Variants in ACO1 observed in about 807,000 individuals in gnomAD.
ACO1 encodes aconitase 1.
Under a neutral mutation model 105.1 loss-of-function variants are expected in ACO1, and 78 were observed. The ratio of observed to expected loss-of-function variants is 0.74; its 90% CI spans 0.62 to 0.90. ACO1 has a LOEUF of 0.90. Among genes scored for constraint, ACO1 ranks in the 40% least tolerant of loss-of-function variants. The pLI is 0.00. For missense variants in ACO1, 965 were observed against 1,111.1 expected (o/e 0.87, Z 1.87); for synonymous variants, 364 against 397.4 (o/e 0.92, Z 1.00).
At chr9:32,424,753 G>A in intron 10 of ACO1, 88 bp downstream of exon 10, 1 of 853,112 alleles carries the variant, frequency 1.2e-6, no homozygotes, top group Non-Finnish European at 1.9e-6. Context: ...CACTTGACAT[G>A]AATCTTCCTG....
chr9:32,450,119 G>T lies in ACO1; in HGVS notation c.*8G>T. On this transcript the variant is annotated 3_prime_UTR_variant, in exon 21 of 21. Coordinates refer to ENST00000309951, the MANE Select transcript of ACO1 (RefSeq NM_002197.3). ...CGCAAGATGGCCAAGTAGGAGACGT[G>T]CACTTGGTGCTGCGCCCAGGGAGGA... 6.2e-7 allele frequency: 1 copy of T among 1,604,572 alleles called. No homozygotes were observed. The highest frequency in any genetic ancestry group is 1.3e-5 in the African/African-American group (1 of 74,768).
intron 1 of ACO1, among the ~76,000 whole-genome samples, chr9:32,388,728 A>G (rs1250980999): frequency 6.6e-6 from 1 of 152,234 alleles, no homozygotes; most frequent in East Asian, 1.9e-4. Flanking sequence ...GGGCAGTGGA[A>G]TGAGGTAGAA....
At chr9:32,413,645 C>G (rs956192669) in intron 4 of ACO1, among the ~76,000 whole-genome samples, 18 of 152,208 alleles carry the variant, frequency 1.2e-4, no homozygotes, top group African/African-American at 4.3e-4. Context: ...GTGCTGTGGG[C>G]TAATTTCCAG....
intron 19 of ACO1, among the ~76,000 whole-genome samples, chr9:32,443,986 A>G (rs1247343964): frequency 1.3e-5 from 2 of 152,130 alleles, no homozygotes; most frequent in Admixed American, 1.3e-4. Flanking sequence ...TGACCCGCCA[A>G]CAGGCCCCAG....
At chr9:32,437,909 C>T (rs1162795716) in intron 18 of ACO1, among the ~76,000 whole-genome samples, 1 of 151,874 alleles carries the variant, frequency 6.6e-6, no homozygotes, top group Non-Finnish European at 1.5e-5. Context: ...ACTCAGGAGG[C>T]CCTAACAACC....
chr9:32,435,212 C>T (rs1822329710), intron 17 of ACO1, among the ~76,000 whole-genome samples: 1 of 152,196 alleles, frequency 6.6e-6, no homozygotes, highest in Admixed American at 6.5e-5. Flanking sequence ...GTTCCCCAAT[C>T]TGAGTTTCCA....
At chr9:32,392,426 C>A (rs559523873) in intron 1 of ACO1, among the ~76,000 whole-genome samples, 2 of 152,276 alleles carry the variant, frequency 1.3e-5, no homozygotes, top group Non-Finnish European at 2.9e-5. Flanking sequence ...TGCCTGGCAC[C>A]CCACAGGCAC....
chr9:32,449,264 A>G (rs948088629), intron 20 of ACO1, among the ~76,000 whole-genome samples, 183 bp downstream of exon 20: 2 of 150,802 alleles, frequency 1.3e-5, no homozygotes, highest in African/African-American at 5.0e-5. Flanking sequence ...GATGATGCCT[A>G]TGGATTTAAT....
At chr9:32,418,735 T>G (rs989464610) in intron 6 of ACO1, among the ~76,000 whole-genome samples, 1 of 152,126 alleles carries the variant, frequency 6.6e-6, no homozygotes, top group Non-Finnish European at 1.5e-5. Context: ...TTAGGTACAT[T>G]TAGCATACAC....
chr9:32,409,993 G>A (rs1312131210), intron 4 of ACO1, among the ~76,000 whole-genome samples: 1 of 152,190 alleles, frequency 6.6e-6, no homozygotes, highest in African/African-American at 2.4e-5. Context: ...GCCCATTGAA[G>A]AGATGACTAA....
Position 32,434,519 on chromosome 9 carries a change from A to C in ACO1, c.1957-40A>C, listed in dbSNP as rs1334398608. 2.5e-6 allele frequency: 4 copies of C among 1,611,136 alleles called. No individual in the cohort carries two copies. In the African/African-American group the frequency reaches 5.3e-5, roughly 22 times the overall value. ...AGACTGATCTGGTAACTTGTTTGGG[A>C]AAACCTGGGCCAATGCTGACTTTTT... On this transcript the variant is annotated intron_variant, in intron 16 of 20. Coordinates refer to ENST00000309951, the MANE Select transcript of ACO1 (RefSeq NM_002197.3).
At chr9:32,436,059 C>G (rs1822349449) in intron 17 of ACO1, 191 bp from the exon 18 acceptor site, 1 of 740,276 alleles carries the variant, frequency 1.4e-6, no homozygotes. Flanking sequence ...ACCACCCCTT[C>G]TCACCTCTCT....
rs948480572 is a variant in ACO1, at chr9:32,450,424, C to G, written c.*313C>G. ...ACAGGACGTTGCTTTTTCACTGTTTCCTATTAATCTTCAGCTGAACACAAG... is the reference window on the plus strand; with the variant it reads ...ACAGGACGTTGCTTTTTCACTGTTTGCTATTAATCTTCAGCTGAACACAAG... On this transcript the variant is annotated 3_prime_UTR_variant, in exon 21 of 21. Transcript: ENST00000309951. 2 of 394,504 alleles carry G rather than the reference C, an allele frequency of 5.1e-6. No homozygotes were observed. The highest frequency in any genetic ancestry group is 9.7e-6 in the Non-Finnish European group (2 of 206,152). The allele number at this position is 394,504 out of a possible 1,614,324, so 24.4% of individuals were successfully genotyped here. A position where few individuals can be genotyped will look rare whatever the true frequency, so the allele number is the denominator to read the frequency against.
intron 4 of ACO1, among the ~76,000 whole-genome samples, chr9:32,413,696 G>A (rs1225962798): frequency 1.3e-5 from 2 of 152,154 alleles, no homozygotes; most frequent in African/African-American, 2.4e-5. Context: ...GTAAGGGGTG[G>A]TAGAGTGGTA....
At chr9:32,413,644 G>C (rs1345353234) in intron 4 of ACO1, among the ~76,000 whole-genome samples, 1 of 152,134 alleles carries the variant, frequency 6.6e-6, no homozygotes, top group Admixed American at 6.5e-5. Flanking sequence ...TGTGCTGTGG[G>C]CTAATTTCCA....
intron 4 of ACO1, among the ~76,000 whole-genome samples, chr9:32,416,814 C>G (rs991524476): frequency 1.3e-5 from 2 of 152,198 alleles, no homozygotes; most frequent in African/African-American, 4.8e-5. Context: ...ACTGTGTTAT[C>G]GTCTAACTTT....
At chr9:32,436,964 G>A (rs1212903152) in intron 18 of ACO1, among the ~76,000 whole-genome samples, 3 of 152,142 alleles carry the variant, frequency 2.0e-5, no homozygotes, top group South Asian at 2.1e-4. Context: ...AACGCTCTGA[G>A]GCTTAAAATG....
rs1298040756 is a variant in ACO1 at position 32,448,980 on chromosome 9, C to T, written c.2455C>T (p.Leu819Phe). 2 of 1,614,094 alleles carry T rather than the reference C, an allele frequency of 1.2e-6. No individual in the cohort carries two copies. Among genetic ancestry groups the T allele is most frequent in the South Asian group, 2.2e-5 (2 of 91,084 alleles). The change falls in exon 20 of 21, where the codon CTC (leucine) becomes TTC (phenylalanine). Residue 819 changes from leucine to phenylalanine, a missense_variant. Transcript: ENST00000309951. ...GATGGGTGTGATCCCACTTGAATAT[C>T]TCCCTGGTGAGAATGCAGATGCCCT... Reference protein sequence around the residue: ...VGMGVIPLEYLPGENADALGL... With the variant: ...VGMGVIPLEYFPGENADALGL...
intron 17 of ACO1, 80 bp downstream of exon 17, chr9:32,434,781 C>A: frequency 6.5e-7 from 1 of 1,531,854 alleles, no homozygotes; most frequent in Non-Finnish European, 8.9e-7. Context: ...CTCTTTTCAC[C>A]TGGCCCTTTG....
Sources: gnomAD v4.1 joint callset for allele counts (sites outside exome capture counted in the v4.1 genomes callset) on GRCh38, gnomAD v4.1.1 for gene constraint, MANE v1.5 for transcripts, NCBI Gene and HGNC (gene_info 2026-07-23, HGNC 2026-07-21) for gene names.